ZNF695: variants seen among roughly 807,000 people sequenced by gnomAD.
ZNF695 encodes zinc finger protein 695.
A neutral mutation model predicts 11.2 loss-of-function variants in ZNF695; 11 were observed. The observed-to-expected ratio is 0.98, with a 90% CI of 0.62 to 1.62. The LOEUF (loss-of-function observed/expected upper bound fraction) is 1.62. Ranked by LOEUF, ZNF695 falls within the 40% of genes most tolerant of loss-of-function variation. ZNF695 has a pLI of 0.00. For missense variants in ZNF695, 559 were observed against 590.5 expected, an observed-to-expected ratio of 0.95 and a Z score of 0.55; for synonymous variants, 190 against 201.4, an observed-to-expected ratio of 0.94 and a Z score of 0.48.
chr1:246,964,015 C>T (rs1668228232), intron 5 of ZNF695, among the ~76,000 whole-genome samples: 1 of 152,132 alleles, frequency 6.6e-6, no homozygotes, highest in African/African-American at 2.4e-5. Flanking sequence ...TTATGTTCAC[C>T]TGTTTATTAG....
At chr1:246,946,223 T>C (rs1280139344) in intron 5 of ZNF695, among the ~76,000 whole-genome samples, 1 of 152,196 alleles carries the variant, frequency 6.6e-6, no homozygotes, top group Admixed American at 6.5e-5. Context: ...TCTTGATTGC[T>C]TTCTGATTTT....
chr1:246,979,577 T>C (rs900392403), intron 4 of ZNF695, among the ~76,000 whole-genome samples: 4 of 152,166 alleles, frequency 2.6e-5, no homozygotes, highest in African/African-American at 9.7e-5. Context: ...GCCTCAGAAA[T>C]GTTATTGAAA....
At chr1:247,005,750 C>G (rs934167344) in intron 1 of ZNF695, among the ~76,000 whole-genome samples, 7 of 151,968 alleles carry the variant, frequency 4.6e-5, no homozygotes, top group African/African-American at 1.4e-4. Context: ...TAGGCATATA[C>G]AAAAAATCAA....
intron 4 of ZNF695, among the ~76,000 whole-genome samples, chr1:246,975,896 T>C (rs1668545291): frequency 6.6e-6 from 1 of 152,020 alleles, no homozygotes; most frequent in African/African-American, 2.4e-5. Flanking sequence ...ACTTATTCTA[T>C]TAGGCGAAGA....
intron 1 of ZNF695, among the ~76,000 whole-genome samples, chr1:247,006,846 G>A (rs746871769): frequency 6.6e-6 from 1 of 152,180 alleles, no homozygotes; most frequent in Non-Finnish European, 1.5e-5. Context: ...TACTTAAATG[G>A]CAGACAATTA....
At chr1:247,003,448 A>G (rs963149662) in intron 1 of ZNF695, among the ~76,000 whole-genome samples, 1 of 152,216 alleles carries the variant, frequency 6.6e-6, no homozygotes, top group Admixed American at 6.5e-5. Context: ...GGCCGACTTT[A>G]GAGTAGAAGG....
chr1:246,979,124 A>G (rs940254970), intron 4 of ZNF695, among the ~76,000 whole-genome samples: 2 of 152,134 alleles, frequency 1.3e-5, no homozygotes, highest in Non-Finnish European at 2.9e-5. Context: ...AAGTCTTTAC[A>G]TGGCCTGGGC....
intron 3 of ZNF695, among the ~76,000 whole-genome samples, chr1:246,989,189 C>T (rs989303527): frequency 2.0e-5 from 3 of 152,022 alleles, no homozygotes; most frequent in African/African-American, 4.8e-5. Flanking sequence ...CGCTTGAACC[C>T]GGGAGGTGGA....
At chr1:246,963,428 A>C (rs988634273) in intron 5 of ZNF695, among the ~76,000 whole-genome samples, 2 of 152,216 alleles carry the variant, frequency 1.3e-5, no homozygotes, top group African/African-American at 4.8e-5. Flanking sequence ...TTTACAGAAC[A>C]TAATAAAAAG....
At chr1:246,984,494 G>A (rs920963857), downstream of ZNF695, among the ~76,000 whole-genome samples, 1 of 152,054 alleles carries the variant, frequency 6.6e-6, no homozygotes, top group Non-Finnish European at 1.5e-5. Flanking sequence ...CTCTTACCTG[G>A]AGCCACAACT....
At chr1:246,959,310 A>AATAT (rs1158852538) in intron 5 of ZNF695, among the ~76,000 whole-genome samples, 765 of 51,014 alleles carry the variant, frequency 0.015, 6 homozygotes, top group Middle Eastern at 0.019. Context: ...AAAAAAAAAA[A>AATAT]ATATATATAT....
intron 5 of ZNF695, among the ~76,000 whole-genome samples, chr1:246,963,370 G>C (rs1668210312): frequency 6.6e-6 from 1 of 152,198 alleles, no homozygotes. Flanking sequence ...AGGATCACTT[G>C]AGGCTAGGAA....
chr1:246,954,359 GA>G (rs1419112608), intron 5 of ZNF695, among the ~76,000 whole-genome samples: 1 of 152,196 alleles, frequency 6.6e-6, no homozygotes, highest in African/African-American at 2.4e-5. Flanking sequence ...TGTTCCAGGG[GA>G]AAGGGTCCAA....
At chr1:246,977,281 C>T (rs1558311182) in intron 4 of ZNF695, among the ~76,000 whole-genome samples, 1 of 152,156 alleles carries the variant, frequency 6.6e-6, no homozygotes, top group African/African-American at 2.4e-5. Context: ...GTTTTTGAGA[C>T]AGAGTCGGTC....
At chr1:246,980,456 G>A (rs368853749), downstream of ZNF695, among the ~76,000 whole-genome samples, 64 of 140,404 alleles carry the variant, frequency 4.6e-4, no homozygotes, top group African/African-American at 1.4e-3. Flanking sequence ...TTACTCTGTC[G>A]CTCAGACTGG....
In ZNF695 at chr1:246,988,262, A is replaced by G. The variant is rs769338937; in HGVS notation, c.260-7T>C. The G allele has an allele frequency of 6.5e-6, 10 of 1,531,168 alleles. No homozygotes were observed. The Admixed American group carries it at 6.8e-5, about 10-fold the overall frequency. The allele number at this position is 1,531,168 out of a possible 1,614,324, so 94.8% of individuals were successfully genotyped here. A position where few individuals can be genotyped will look rare whatever the true frequency, so the allele number is the denominator to read the frequency against. On this transcript the variant is annotated splice_region_variant and splice_polypyrimidine_tract_variant and intron_variant, in intron 3 of 3. Transcript: ENST00000339986. ...GTAAGATAAGAAGACAAAACTGGAAAAAATAAAAACAACAAATTATTCCAC... is the reference window on the plus strand; with the variant it reads ...GTAAGATAAGAAGACAAAACTGGAAGAAATAAAAACAACAAATTATTCCAC...
chr1:247,001,712 C>CAAAAAAAAAAAAAAAAA (rs56131097), intron 1 of ZNF695, among the ~76,000 whole-genome samples: 3 of 79,280 alleles, frequency 3.8e-5, no homozygotes, highest in Non-Finnish European at 7.2e-5. Context: ...GACTTCGTCT[C>CAAAAAAAAAAAAAAAAA]AAAAAAAAAA....
chr1:246,990,846 G>A (rs921011832), intron 3 of ZNF695, among the ~76,000 whole-genome samples: 5 of 152,144 alleles, frequency 3.3e-5, no homozygotes, highest in African/African-American at 7.2e-5. Context: ...TAAACAATAC[G>A]CTCCCAAATG....
At chr1:246,976,330 C>T (rs1668557018) in intron 4 of ZNF695, among the ~76,000 whole-genome samples, 1 of 152,256 alleles carries the variant, frequency 6.6e-6, no homozygotes. Flanking sequence ...TTTTAATTAG[C>T]TAATTATTTA....
Sources: allele counts gnomAD v4.1 joint callset (sites outside exome capture counted in the v4.1 genomes callset), GRCh38; gene constraint gnomAD v4.1.1; transcripts MANE v1.5; gene names NCBI Gene and HGNC (gene_info 2026-07-23, HGNC 2026-07-21).